WASF3: variants seen among roughly 807,000 people sequenced by gnomAD.
WASF3 encodes the protein actin-binding protein WASF3.
A neutral mutation model predicts 46.6 loss-of-function variants in WASF3; 11 were observed. The observed-to-expected ratio is 0.24, with a 90% CI of 0.15 to 0.39. The LOEUF (loss-of-function observed/expected upper bound fraction) is 0.39. Among genes scored for constraint, WASF3 ranks in the 10% least tolerant of loss-of-function variants. WASF3 has a pLI of 1.00. For missense variants in WASF3, 576 were observed against 669.8 expected (o/e 0.86, Z 1.55); for synonymous variants, 242 against 259.7 (o/e 0.93, Z 0.65).
Position 26,676,556 on chromosome 13 carries a change from A to C in WASF3, c.548A>C (p.Lys183Thr). The stretch of plus-strand genomic sequence containing the variant: ...TCCTTTCCTGGACATCAGGAGCAAA[A>C]GCGTATAGATGGCACCACCCGTGAG... Reference protein sequence around the residue: ...RKEKRRQKEQKRIDGTTREVK... With the variant: ...RKEKRRQKEQTRIDGTTREVK... The change falls in exon 7 of 10, where the codon AAG (lysine) becomes ACG (threonine). Residue 183 changes from lysine (K) to threonine (T), a missense_variant. Physicochemically the swap from Lys to Thr is moderately conservative, Grantham distance 78 (BLOSUM62 -1). Coordinates refer to ENST00000335327, the MANE Select transcript of WASF3 (RefSeq NM_006646.6). 1 of 1,613,698 alleles carries C rather than the reference A, an allele frequency of 6.2e-7. No homozygotes were observed. Among genetic ancestry groups the C allele is most frequent in the Non-Finnish European group, 8.5e-7 (1 of 1,179,864 alleles).
chr13:26,558,370 C>T (rs937162971), intron 1 of WASF3, among the ~76,000 whole-genome samples: 2 of 152,186 alleles, frequency 1.3e-5, no homozygotes, highest in African/African-American at 4.8e-5. Context: ...GGCGTCCTCT[C>T]CCTCGAGGCT....
At chr13:26,588,985 C>T (rs945688143) in intron 1 of WASF3, among the ~76,000 whole-genome samples, 6 of 151,798 alleles carry the variant, frequency 4.0e-5, no homozygotes, top group South Asian at 2.1e-4. Flanking sequence ...GTAGAGATGG[C>T]GTTTCACCAT....
At position 26,679,997 on chromosome 13, in the gene WASF3, CCTCAGCA is replaced by C; in HGVS notation, c.717-1055_717-1049del. ...AATGCAGCGTGCATCTTCCCTGCTC[CCTCAGCA>C]CCCCCAATGTGTGTTTGGTATTTCC... On this transcript the variant is annotated intron_variant, in intron 7 of 9. Coordinates refer to ENST00000335327, the MANE Select transcript of WASF3 (RefSeq NM_006646.6). The surrounding 1 kb of genome is among the most constrained non-coding windows in gnomAD (Gnocchi z 4.8). 6.3e-7 allele frequency: 1 copy of C among 1,582,640 alleles called. No homozygotes were observed. Among genetic ancestry groups the C allele is most frequent in the Non-Finnish European group, 8.5e-7 (1 of 1,171,800 alleles).
At chr13:26,589,061 T>C (rs1376500644) in intron 1 of WASF3, among the ~76,000 whole-genome samples, 1 of 152,198 alleles carries the variant, frequency 6.6e-6, no homozygotes, top group Non-Finnish European at 1.5e-5. Context: ...CTCAAAGTGC[T>C]GGGATTATAG....
At chr13:26,681,692 G>C (rs1312131751) in intron 8 of WASF3, among the ~76,000 whole-genome samples, 1 of 152,034 alleles carries the variant, frequency 6.6e-6, no homozygotes, top group Non-Finnish European at 1.5e-5. Context: ...TATCACAGAC[G>C]AGAAGACCAC....
At chr13:26,675,371 T>C (rs912573703) in intron 6 of WASF3, among the ~76,000 whole-genome samples, 8 of 151,974 alleles carry the variant, frequency 5.3e-5, no homozygotes, top group African/African-American at 1.9e-4. Context: ...CCTCTCCTCT[T>C]GGCAGGCACC....
At chr13:26,653,084 C>G (rs913364403) in intron 3 of WASF3, among the ~76,000 whole-genome samples, 2 of 152,222 alleles carry the variant, frequency 1.3e-5, no homozygotes, top group Non-Finnish European at 2.9e-5. Context: ...TAAAGGTCTC[C>G]CTCTGACACA....
intron 1 of WASF3, among the ~76,000 whole-genome samples, chr13:26,579,185 A>T (rs557740054): frequency 1.6e-3 from 240 of 150,196 alleles, no homozygotes; most frequent in African/African-American, 5.8e-3. Context: ...GTTTTTTTTT[A>T]AAGATGGGGT....
At chr13:26,650,453 C>G (rs1882281079) in intron 3 of WASF3, among the ~76,000 whole-genome samples, 1 of 152,112 alleles carries the variant, frequency 6.6e-6, no homozygotes, top group Admixed American at 6.5e-5. Flanking sequence ...TTTGAAGGTA[C>G]AGAGCTAGCA....
In WASF3 at chr13:26,641,692, C is replaced by T. The variant is rs559054043; in HGVS notation, c.-10-569C>T. Among the ~76,000 whole-genome samples, 8 of 152,188 alleles carry T rather than the reference C, an allele frequency of 5.3e-5. No homozygotes were observed. The South Asian group carries it at 1.7e-3, about 32-fold the overall frequency. ...ATGATGGGTGAGGAGTCTGACTTCT[C>T]ATGGTCCAGATGAGATGATCTAGTA... is the stretch of plus-strand genomic sequence containing the variant. On this transcript the variant is annotated intron_variant, in intron 2 of 9. Coordinates refer to ENST00000335327, the MANE Select transcript of WASF3 (RefSeq NM_006646.6).
rs761942554 is a variant in WASF3, at chr13:26,607,634, G to GT, written c.-108-5323dup. 3.4e-3 allele frequency among the ~76,000 whole-genome samples: 512 copies of GT among 151,142 alleles called. 1 individual carries two copies. Among genetic ancestry groups the GT allele is most frequent in the Middle Eastern group, 6.8e-3 (2 of 294 alleles). On this transcript the variant is annotated intron_variant, in intron 1 of 9. Coordinates refer to ENST00000335327, the MANE Select transcript of WASF3 (RefSeq NM_006646.6). ...CTGGCTTGTTTCAGAGCAGTTTTTT[G>GT]TTTTGTTTTTTTTTTGAAACAGGGT...
At chr13:26,571,398 C>T (rs376320505) in intron 1 of WASF3, among the ~76,000 whole-genome samples, 60 of 152,136 alleles carry the variant, frequency 3.9e-4, no homozygotes, top group South Asian at 2.1e-3. Flanking sequence ...ATTTATGATA[C>T]GCTACAAATT....
chr13:26,577,444 A>G (rs1879834857), intron 1 of WASF3: 1 of 824,476 alleles, frequency 1.2e-6, no homozygotes, highest in African/African-American at 1.7e-5. Flanking sequence ...TGGTCAATAA[A>G]TTGATTCCAG....
At chr13:26,590,400 A>G (rs1296984289) in intron 1 of WASF3, among the ~76,000 whole-genome samples, 1 of 152,206 alleles carries the variant, frequency 6.6e-6, no homozygotes, top group African/African-American at 2.4e-5. Context: ...TTGAGAAAAA[A>G]GAAACCCGAA....
chr13:26,656,655 C>T (rs1200438694), intron 3 of WASF3, among the ~76,000 whole-genome samples: 1 of 151,818 alleles, frequency 6.6e-6, no homozygotes, highest in Non-Finnish European at 1.5e-5. Flanking sequence ...AAAAATTCAT[C>T]GTCAATACTT....
At chr13:26,619,861 A>G (rs2137238691) in intron 2 of WASF3, among the ~76,000 whole-genome samples, 1 of 152,260 alleles carries the variant, frequency 6.6e-6, no homozygotes, top group African/African-American at 2.4e-5. Flanking sequence ...TAGAAGCATC[A>G]TATTAGAAGT....
chr13:26,655,302 C>G (rs929534444), intron 3 of WASF3, among the ~76,000 whole-genome samples: 3 of 152,086 alleles, frequency 2.0e-5, no homozygotes, highest in Admixed American at 2.0e-4. Context: ...GTCCGTTGGT[C>G]TGGATTTTCT....
chr13:26,551,437 T>C, the WASF3 span, among the ~76,000 whole-genome samples: 1 of 152,152 alleles, frequency 6.6e-6, no homozygotes, highest in Admixed American at 6.5e-5. Flanking sequence ...TATTAGTAGT[T>C]CCAATGACAT....
intron 3 of WASF3, among the ~76,000 whole-genome samples, chr13:26,661,306 A>G (rs1175219068): frequency 1.3e-5 from 2 of 152,130 alleles, no homozygotes; most frequent in African/African-American, 2.4e-5. Flanking sequence ...CCTGGCAACC[A>G]CCATTCTCCT....
Sources: gnomAD v4.1 joint callset for allele counts (sites outside exome capture counted in the v4.1 genomes callset) on GRCh38, gnomAD v4.1.1 for gene constraint, Gnocchi (gnomAD v3.1) non-coding constraint, MANE v1.5 for transcripts, NCBI Gene and HGNC (gene_info 2026-07-23, HGNC 2026-07-21) for gene names.